Variants in RAB39A observed in about 807,000 individuals in gnomAD.
RAB39A encodes the protein ras-related protein Rab-39A.
RAB39A carries 17 observed loss-of-function variants against 20.9 expected under a neutral mutation model. The observed-to-expected ratio is 0.81, with a 90% confidence interval of 0.56 to 1.22. The LOEUF (loss-of-function observed/expected upper bound fraction) is 1.22, where lower values mean the gene tolerates loss of function less well. Among genes scored for constraint, RAB39A ranks in the 50% most tolerant of loss-of-function variants. RAB39A has a pLI of 0.00. For missense variants in RAB39A, 234 were observed against 270.5 expected, an observed-to-expected ratio of 0.87 and a Z score of 0.95; for synonymous variants, 99 against 103.4, an observed-to-expected ratio of 0.96 and a Z score of 0.26.
intron 1 of RAB39A, among the ~76,000 whole-genome samples, chr11:107,960,204 C>A: frequency 7.6e-6 from 1 of 130,920 alleles, no homozygotes. Context: ...AGCAAGACTC[C>A]ATCTCAAAAA....
rs1367462296 is a variant in RAB39A, at chr11:107,962,073, C to T, written c.355C>T (p.Arg119Trp). The part of the protein sequence containing the change: ...EEAKMYVQPF[R>W]IVFLLVGHKC... Reference sequence around the variant, plus strand: ...AGCAAAAATGTATGTACAGCCATTTCGGATTGTATTTCTGCTAGTGGGACA... The same window carrying T: ...AGCAAAAATGTATGTACAGCCATTTTGGATTGTATTTCTGCTAGTGGGACA... The change falls in exon 2 of 2, where the codon CGG becomes TGG. Residue 119 changes from arginine to tryptophan, a missense_variant. Coordinates refer to ENST00000320578, the MANE Select transcript of RAB39A (RefSeq NM_017516.3). 9.9e-6 allele frequency: 16 copies of T among 1,613,898 alleles called. No individual in the cohort carries two copies. Among genetic ancestry groups the T allele is most frequent in the African/African-American group, 4.0e-5 (3 of 74,888 alleles).
chr11:107,957,936 G>C (rs1861454463), intron 1 of RAB39A, among the ~76,000 whole-genome samples: 1 of 151,582 alleles, frequency 6.6e-6, no homozygotes, highest in South Asian at 2.1e-4. Flanking sequence ...CTGTCGCCCA[G>C]GCTGGAGTGC....
chr11:107,962,639 T>C lies in RAB39A; in HGVS notation c.*267T>C, dbSNP rs745958178. On this transcript the variant is annotated 3_prime_UTR_variant, in exon 2 of 2. Transcript: ENST00000320578. Reference sequence around the variant, plus strand: ...CTTTGTTAGCATACGCTGACCTTAGTGTCCAGATATGTCACTATTACTCAT... The same window carrying C: ...CTTTGTTAGCATACGCTGACCTTAGCGTCCAGATATGTCACTATTACTCAT... 5 of 312,816 alleles carry C rather than the reference T, an allele frequency of 1.6e-5. No homozygotes were observed. The highest frequency in any genetic ancestry group is 2.9e-5 in the Non-Finnish European group (5 of 169,652). 19.4% of individuals were successfully genotyped at this position (312,816 alleles called of 1,614,324 possible).
intron 1 of RAB39A, among the ~76,000 whole-genome samples, chr11:107,935,719 G>A (rs1210629678): frequency 4.0e-5 from 6 of 151,698 alleles, no homozygotes; most frequent in Admixed American, 6.6e-5. Flanking sequence ...TGCAAGAATC[G>A]ATATTATTAT....
At chr11:107,939,749 C>A (rs545111025) in intron 1 of RAB39A, among the ~76,000 whole-genome samples, 4 of 152,112 alleles carry the variant, frequency 2.6e-5, no homozygotes, top group Admixed American at 1.3e-4. Flanking sequence ...AATAACATTT[C>A]CCTGTTGCAG....
At chr11:107,943,211 A>G (rs1861277032) in intron 1 of RAB39A, among the ~76,000 whole-genome samples, 1 of 152,164 alleles carries the variant, frequency 6.6e-6, no homozygotes, top group Non-Finnish European at 1.5e-5. Flanking sequence ...AAAGCTTCAT[A>G]AGTACTATGA....
At chr11:107,929,163 A>ACAG (rs1056440340) in intron 1 of RAB39A, among the ~76,000 whole-genome samples, 29 of 152,050 alleles carry the variant, frequency 1.9e-4, no homozygotes, top group African/African-American at 5.8e-4. Context: ...CTGGCTGCGC[A>ACAG]CAGCATGACC....
Position 107,962,474 on chromosome 11 carries a change from T to A in RAB39A, c.*102T>A, listed in dbSNP as rs1175470412. 8.9e-7 allele frequency: 1 copy of A among 1,121,496 alleles called. No individual in the cohort carries two copies. The highest frequency in any genetic ancestry group is 1.6e-5 in the African/African-American group (1 of 63,862). 69.5% of individuals were successfully genotyped at this position (1,121,496 alleles called of 1,614,324 possible). A position where few individuals can be genotyped will look rare whatever the true frequency, so the allele number is the denominator to read the frequency against. On this transcript the variant is annotated 3_prime_UTR_variant, in exon 2 of 2. Transcript: ENST00000320578. ...GATGCAATGAAAGAATTTAAAAAGG[T>A]TACAAACCCACACCAATACTATTTT...
chr11:107,953,423 T>G (rs1861402232), intron 1 of RAB39A, among the ~76,000 whole-genome samples: 1 of 152,142 alleles, frequency 6.6e-6, no homozygotes. Flanking sequence ...AGGCTTGGAA[T>G]GAATCAAAAG....
chr11:107,943,067 C>T (rs1277644162), intron 1 of RAB39A, among the ~76,000 whole-genome samples: 2 of 152,184 alleles, frequency 1.3e-5, no homozygotes, highest in African/African-American at 2.4e-5. Flanking sequence ...TCAGTGACTA[C>T]ACTGCTACAC....
chr11:107,928,775 G>C lies in RAB39A; in HGVS notation c.207G>C (p.Thr69=), dbSNP rs769667338. The change falls in exon 1 of 2, where the codon ACG becomes ACC. Residue 69 remains threonine (T), a synonymous_variant. Coordinates refer to ENST00000320578, the MANE Select transcript of RAB39A (RefSeq NM_017516.3). This position sits in a 1 kb window ranked among gnomAD's most constrained non-coding sequence, Gnocchi z 4.9. Reference sequence around the variant, plus strand: ...GGATCAAGCTACAGCTCTGGGACACGGCGGGACAGGAGCGGTTCAGGTAGG... The same window carrying C: ...GGATCAAGCTACAGCTCTGGGACACCGCGGGACAGGAGCGGTTCAGGTAGG... ...GKRIKLQLWD[T]AGQERFRSIT... The C allele has an allele frequency of 1.9e-6, 3 of 1,591,696 alleles. No individual in the cohort carries two copies. The highest frequency in any genetic ancestry group is 2.6e-6 in the Non-Finnish European group (3 of 1,167,662).
intron 1 of RAB39A, among the ~76,000 whole-genome samples, chr11:107,960,608 G>GT (rs1341573235): frequency 6.6e-6 from 1 of 152,186 alleles, no homozygotes; most frequent in Non-Finnish European, 1.5e-5. Flanking sequence ...GTTTAATGAA[G>GT]TGACTATTTC....
Position 107,962,419 on chromosome 11 carries a change from C to T in RAB39A, c.*47C>T. The T allele has an allele frequency of 1.3e-6, 2 of 1,496,526 alleles. No individual in the cohort carries two copies. Among genetic ancestry groups the T allele is most frequent in the Non-Finnish European group, 1.8e-6 (2 of 1,105,936 alleles). 92.7% of individuals were successfully genotyped at this position (1,496,526 alleles called of 1,614,324 possible). Reference sequence around the variant, plus strand: ...AACAGGAACAGATTGGGTGTCAGTTCAGGATAAATACCAACATTAACAGCA... The same window carrying T: ...AACAGGAACAGATTGGGTGTCAGTTTAGGATAAATACCAACATTAACAGCA... On this transcript the variant is annotated 3_prime_UTR_variant, in exon 2 of 2. Coordinates refer to ENST00000320578, the MANE Select transcript of RAB39A (RefSeq NM_017516.3).
chr11:107,953,205 CTG>C (rs1371753749), intron 1 of RAB39A, among the ~76,000 whole-genome samples: 2 of 152,180 alleles, frequency 1.3e-5, no homozygotes, highest in African/African-American at 4.8e-5. Context: ...TTTTTAAAAA[CTG>C]AACTTTAGTC....
intron 1 of RAB39A, among the ~76,000 whole-genome samples, chr11:107,954,348 G>A (rs1638673054): frequency 6.6e-6 from 1 of 152,044 alleles, no homozygotes; most frequent in Admixed American, 6.6e-5. Context: ...TTTCATGGCG[G>A]GGTCTTTCGG....
intron 1 of RAB39A, among the ~76,000 whole-genome samples, chr11:107,930,408 C>T (rs138294889): frequency 2.6e-4 from 40 of 152,242 alleles, no homozygotes; most frequent in African/African-American, 9.6e-4. Flanking sequence ...ATATATCAGG[C>T]TCAGAAAAAA....
intron 1 of RAB39A, among the ~76,000 whole-genome samples, chr11:107,932,661 C>T (rs992641812): frequency 6.6e-6 from 1 of 152,154 alleles, no homozygotes; most frequent in Non-Finnish European, 1.5e-5. Flanking sequence ...GGAAAGATGC[C>T]TTTGGCACTG....
Position 107,928,607 on chromosome 11 carries a change from G to T in RAB39A, c.39G>T (p.Val13=), listed in dbSNP as rs756747124. The stretch of plus-strand genomic sequence containing the variant: ...GGATCTACCAGTTCCGCCTCATCGT[G>T]ATCGGGGACTCCACCGTGGGCAAGT... ...TIWIYQFRLI[V]IGDSTVGKSC... Residue 13 remains valine (V), a synonymous_variant, in exon 1 of 2, where the codon GTG becomes GTT. Coordinates refer to ENST00000320578, the MANE Select transcript of RAB39A (RefSeq NM_017516.3). The surrounding 1 kb of genome is among the most constrained non-coding windows in gnomAD (Gnocchi z 4.9). 3 of 1,592,484 alleles carry T rather than the reference G, an allele frequency of 1.9e-6. No individual in the cohort carries two copies. The Admixed American group carries it at 5.0e-5, about 27-fold the overall frequency.
At chr11:107,938,126 G>A (rs1258843569) in intron 1 of RAB39A, among the ~76,000 whole-genome samples, 1 of 151,958 alleles carries the variant, frequency 6.6e-6, no homozygotes, top group Admixed American at 6.6e-5. Context: ...ACTTTGGGAG[G>A]CCGAGCCGGG....
Sources: allele counts gnomAD v4.1 joint callset (sites outside exome capture counted in the v4.1 genomes callset), GRCh38; gene constraint gnomAD v4.1.1; non-coding constraint Gnocchi (gnomAD v3.1); transcripts MANE v1.5; gene names NCBI Gene and HGNC (gene_info 2026-07-23, HGNC 2026-07-21).